The following LARGE2 variants were observed in gnomAD, a reference collection of about 807,000 sequenced individuals.
LARGE2 encodes xylosyl- and glucuronyltransferase LARGE2.
In LARGE2, 63 loss-of-function variants were observed where a neutral mutation model predicts 75.3. The observed-to-expected ratio is 0.84, with a 90% CI of 0.68 to 1.03. The LOEUF (loss-of-function observed/expected upper bound fraction) is 1.03, where lower values mean the gene tolerates loss of function less well. Ranked by LOEUF, LARGE2 falls within the 50% of genes least tolerant of loss-of-function variation. LARGE2 has a pLI of 0.00. For missense variants in LARGE2, 925 were observed against 980.6 expected (o/e 0.94, Z 0.76); for synonymous variants, 428 against 420.1 (o/e 1.02, Z -0.23).
Position 45,926,714 on chromosome 11 carries a change from C to A in LARGE2, c.1168C>A (p.Gln390Lys). Residue 390 changes from glutamine to lysine, a missense_variant, in exon 10 of 14, where the codon CAG becomes AAG. By Grantham distance (53) the Gln-to-Lys change is moderately conservative. Around this residue, in one of 3 missense-constraint regions of LARGE2, gnomAD observed 469 missense variants for 503.8 expected, o/e 0.93. Transcript: ENST00000401752. ...SQPPPGAEQL[Q>K]QALAQLDEED... Reference sequence around the variant, plus strand: ...TTGTCACCCCTTGCCCCCTCAGTTGCAGCAGGCCCTGGCACAACTGGACGA... The same window carrying A: ...TTGTCACCCCTTGCCCCCTCAGTTGAAGCAGGCCCTGGCACAACTGGACGA... 1 of 1,613,036 alleles carries A rather than the reference C, an allele frequency of 6.2e-7. No homozygotes were observed. Among genetic ancestry groups the A allele is most frequent in the Non-Finnish European group, 8.5e-7 (1 of 1,179,556 alleles).
In LARGE2 at chr11:45,928,703, G is replaced by A. The variant is rs774417753; in HGVS notation, c.2024G>A (p.Arg675His). The stretch of plus-strand genomic sequence containing the variant: ...CACGCTCCAAGCCTGGACATCTCCC[G>A]CTTCCGCTCCAGCCCCACCTATCGT... Reference protein sequence around the residue: ...LPHAPSLDISRFRSSPTYRDC... With the variant: ...LPHAPSLDISHFRSSPTYRDC... Residue 675 changes from arginine to histidine, a missense_variant, in exon 14 of 14, where the codon CGC (arginine) becomes CAC (histidine). Around this residue, in one of 3 missense-constraint regions of LARGE2, gnomAD observed 469 missense variants for 503.8 expected, o/e 0.93. Transcript: ENST00000401752. The A allele has an allele frequency of 1.5e-5, 24 of 1,613,956 alleles. No individual in the cohort carries two copies. Among genetic ancestry groups the A allele is most frequent in the Admixed American group, 8.3e-5 (5 of 59,990 alleles).
intron 13 of LARGE2, 23 bp from the exon 14 acceptor site, chr11:45,928,607 T>G (rs1407126991): frequency 6.2e-7 from 1 of 1,604,266 alleles, no homozygotes; most frequent in South Asian, 1.1e-5. Flanking sequence ...AGGCAGCCAC[T>G]GCTCCTCTGC....
At chr11:45,927,072 G>A (rs373026614) in intron 10 of LARGE2, among the ~76,000 whole-genome samples, 1 of 152,192 alleles carries the variant, frequency 6.6e-6, no homozygotes, top group Non-Finnish European at 1.5e-5. Flanking sequence ...CCCCTCGGTC[G>A]CTGTGGGACC....
intron 6 of LARGE2, 150 bp downstream of exon 6, chr11:45,925,039 C>G: frequency 1.8e-6 from 1 of 549,290 alleles, no homozygotes; most frequent in Non-Finnish European, 3.2e-6. Flanking sequence ...GCAGTTCCAA[C>G]AGTCCTGTGT....
chr11:45,925,625 C>T (rs2087111854), intron 6 of LARGE2, among the ~76,000 whole-genome samples: 1 of 152,140 alleles, frequency 6.6e-6, no homozygotes, highest in African/African-American at 2.4e-5. Context: ...CACTGTACTC[C>T]AGCCTTGGCA....
chr11:45,924,849 C>A lies in LARGE2; in HGVS notation c.729C>A (p.Asn243Lys), dbSNP rs776687854. 2.0e-6 allele frequency: 3 copies of A among 1,508,252 alleles called. No individual in the cohort carries two copies. Among genetic ancestry groups the A allele is most frequent in the South Asian group, 1.3e-5 (1 of 75,624 alleles). 93.4% of individuals were successfully genotyped at this position (1,508,252 alleles called of 1,614,324 possible). Residue 243 changes from asparagine (N) to lysine (K), a missense_variant, in exon 6 of 14, where the codon AAC becomes AAA. Physicochemically the swap from Asn to Lys is moderately conservative, Grantham distance 94 (BLOSUM62 0). Coordinates refer to ENST00000401752, the MANE Select transcript of LARGE2 (RefSeq NM_001300721.2). Reference sequence around the variant, plus strand: ...GGTACCTGGGCAACCTCTGGAAGAACCACAGGCCCTGGCCTGCCTTGGGCC... The same window carrying A: ...GGTACCTGGGCAACCTCTGGAAGAAACACAGGCCCTGGCCTGCCTTGGGCC... ...SDWYLGNLWK[N>K]HRPWPALGRG... is the part of the protein sequence containing the mutation.
Position 45,924,217 on chromosome 11 carries a change from C to G in LARGE2, c.432C>G (p.Leu144=), listed in dbSNP as rs1590807149. Residue 144 remains leucine (L), a synonymous_variant, in exon 4 of 14, where the codon CTC becomes CTG. Coordinates refer to ENST00000401752, the MANE Select transcript of LARGE2 (RefSeq NM_001300721.2). ...TGGCCAGAAACATCCTGGAGACGCT[C>G]TTCCACACATGGATGGTGCCTGCTG... ...DAVARNILET[L]FHTWMVPAVR... 6 of 1,613,580 alleles carry G rather than the reference C, an allele frequency of 3.7e-6. No individual in the cohort carries two copies. The East Asian group carries it at 1.3e-4, about 36-fold the overall frequency.
chr11:45,922,064 C>T (rs932176078), upstream of LARGE2, among the ~76,000 whole-genome samples: 1 of 152,046 alleles, frequency 6.6e-6, no homozygotes, highest in African/African-American at 2.4e-5. Context: ...CCCAGGCAGC[C>T]TAGGCCGCCC....
At chr11:45,928,512 C>T in intron 13 of LARGE2, 118 bp from the exon 14 acceptor site, 1 of 1,528,310 alleles carries the variant, frequency 6.5e-7, no homozygotes, top group Non-Finnish European at 8.8e-7. Flanking sequence ...AAATAATCTG[C>T]CCTTTGGCCC....
At chr11:45,921,979 G>A (rs982374517), upstream of LARGE2, among the ~76,000 whole-genome samples, 3 of 152,118 alleles carry the variant, frequency 2.0e-5, no homozygotes, top group Admixed American at 6.5e-5. Context: ...GGAGAGGGAG[G>A]AAAGACGAGC....
Position 45,929,011 on chromosome 11 carries a change from G to A in LARGE2, c.*166G>A, listed in dbSNP as rs2087420815. 5 of 867,864 alleles carry A rather than the reference G, an allele frequency of 5.8e-6. No homozygotes were observed. The South Asian group carries it at 8.7e-5, about 15-fold the overall frequency. 53.8% of individuals were successfully genotyped at this position (867,864 alleles called of 1,614,324 possible). A position where few individuals can be genotyped will look rare whatever the true frequency, so the allele number is the denominator to read the frequency against. ...GCTGCTATTGTATGGCTGGGGACTGGTCTCTCTCTGCCCCAGCCAGTTTGG... is the reference window on the plus strand; with the variant it reads ...GCTGCTATTGTATGGCTGGGGACTGATCTCTCTCTGCCCCAGCCAGTTTGG... On this transcript the variant is annotated 3_prime_UTR_variant, in exon 14 of 14. Coordinates refer to ENST00000401752, the MANE Select transcript of LARGE2 (RefSeq NM_001300721.2).
chr11:45,927,953 G>A lies in LARGE2; in HGVS notation c.1638G>A (p.Arg546=). The A allele has an allele frequency of 6.2e-7, 1 of 1,613,608 alleles. No individual in the cohort carries two copies. The highest frequency in any genetic ancestry group is 8.5e-7 in the Non-Finnish European group (1 of 1,179,966). ...TTGAGCAGCTGGGGCTGGGCAGCCG[G>A]CGCAAGGCAGCACTGGTGGTGCCGG... is the stretch of plus-strand genomic sequence containing the variant. The part of the protein sequence containing the change: ...ASIEQLGLGS[R]RKAALVVPAF... Residue 546 remains arginine (R), a synonymous_variant, in exon 12 of 14, where the codon CGG becomes CGA. Transcript: ENST00000401752.
At chr11:45,923,846 C>T (rs1314594614) in intron 3 of LARGE2, among the ~76,000 whole-genome samples, 1 of 151,120 alleles carries the variant, frequency 6.6e-6, no homozygotes, top group Non-Finnish European at 1.5e-5. Context: ...ATTAGCCGGG[C>T]GTAGTGGCGG....
intron 6 of LARGE2, among the ~76,000 whole-genome samples, 178 bp downstream of exon 6, chr11:45,925,067 C>T (rs2134731901): frequency 3.3e-5 from 5 of 152,280 alleles, no homozygotes; most frequent in Admixed American, 3.3e-4. Flanking sequence ...ATGACTTTGG[C>T]CAGCTCTCGT....
Position 45,922,921 on chromosome 11 carries a change from C to G in LARGE2, c.39C>G (p.Ala13=). ...PRGRPRALGA[A]ALLLLLLLLG... ...GGCGCCCCCGGGCGCTGGGGGCCGC[C>G]GCGCTGTTGCTGCTGCTGCTGCTGC... Residue 13 remains alanine, a synonymous_variant, in exon 2 of 14, where the codon GCC becomes GCG. Coordinates refer to ENST00000401752, the MANE Select transcript of LARGE2 (RefSeq NM_001300721.2). 2 of 1,281,154 alleles carry G rather than the reference C, an allele frequency of 1.6e-6. 1 individual carries two copies. The highest frequency in any genetic ancestry group is 5.4e-5 in the South Asian group (2 of 37,150). The allele number at this position is 1,281,154 out of a possible 1,614,324, so 79.4% of individuals were successfully genotyped here.
intron 3 of LARGE2, 59 bp downstream of exon 3, chr11:45,923,614 A>T: frequency 2.7e-6 from 4 of 1,459,358 alleles, no homozygotes; most frequent in Non-Finnish European, 2.9e-6. Flanking sequence ...AGCCCGGGAC[A>T]GGCTGCTGGT....
intron 6 of LARGE2, among the ~76,000 whole-genome samples, 162 bp from the exon 7 acceptor site, chr11:45,925,867 AAAAACAAAAC>A (rs570196512): frequency 1.3e-5 from 2 of 152,092 alleles, no homozygotes; most frequent in East Asian, 3.9e-4. Flanking sequence ...CCTGTCTCTA[AAAAACAAAAC>A]AAAACAAAAC....
At chr11:45,926,899 G>T (rs374046612) in intron 10 of LARGE2, 28 bp downstream of exon 10, 1 of 1,586,090 alleles carries the variant, frequency 6.3e-7, no homozygotes, top group Non-Finnish European at 8.6e-7. Context: ...AGCCCAGGGG[G>T]TATGGCATGG....
chr11:45,922,480 G>A (rs1287383372), upstream of LARGE2, among the ~76,000 whole-genome samples: 1 of 152,102 alleles, frequency 6.6e-6, no homozygotes, highest in Non-Finnish European at 1.5e-5. Context: ...CCCTCCCCTC[G>A]TCCTGGTGGG....
Sources: gnomAD v4.1 joint callset for allele counts (sites outside exome capture counted in the v4.1 genomes callset) on GRCh38, gnomAD v4.1.1 for gene constraint, gnomAD v4.1.1 regional missense constraint, MANE v1.5 for transcripts, NCBI Gene and HGNC (gene_info 2026-07-23, HGNC 2026-07-21) for gene names.